Variants in PPP1R12B observed in about 807,000 individuals in gnomAD.
PPP1R12B encodes the protein protein phosphatase 1 regulatory subunit 12B.
In PPP1R12B, 76 loss-of-function variants were observed where a neutral mutation model predicts 126.1. The observed-to-expected ratio is 0.60, with a 90% CI of 0.50 to 0.73. The LOEUF is 0.73. Among genes scored for constraint, PPP1R12B ranks in the 30% least tolerant of loss-of-function variants. The pLI, the probability that PPP1R12B is intolerant of heterozygous loss-of-function variation, is 0.00. For missense variants in PPP1R12B, 1,052 were observed against 1,205.1 expected, an observed-to-expected ratio of 0.87 and a Z score of 1.88; for synonymous variants, 356 against 434.7, an observed-to-expected ratio of 0.82 and a Z score of 2.25.
intron 4 of PPP1R12B, among the ~76,000 whole-genome samples, chr1:202,426,641 G>C (rs1669549311): frequency 6.6e-6 from 1 of 152,142 alleles, no homozygotes; most frequent in Admixed American, 6.5e-5. Context: ...TAGAGAGAAT[G>C]ACCACAGCCT....
At chr1:202,382,035 A>G (rs1270525042) in intron 1 of PPP1R12B, among the ~76,000 whole-genome samples, 1 of 152,158 alleles carries the variant, frequency 6.6e-6, no homozygotes, top group Non-Finnish European at 1.5e-5. Flanking sequence ...AATGTCCAAC[A>G]ATGATAGACT....
At position 202,508,475 on chromosome 1, in the gene PPP1R12B, C is replaced by T. The variant is rs1406673589; in HGVS notation, c.2490+11653C>T. Among the ~76,000 whole-genome samples, 3 of 152,142 alleles carry T rather than the reference C, an allele frequency of 2.0e-5. No homozygotes were observed. Among genetic ancestry groups the T allele is most frequent in the Admixed American group, 1.3e-4 (2 of 15,280 alleles). ...TTAATACCTAGCATAATACATAATA[C>T]AAGTACTTATTATGGTCTTGGAGCT... On this transcript the variant is annotated intron_variant, in intron 18 of 23. Transcript: ENST00000608999. This position sits in a 1 kb window ranked among gnomAD's most constrained non-coding sequence, Gnocchi z 4.5.
intron 18 of PPP1R12B, among the ~76,000 whole-genome samples, chr1:202,552,106 T>C (rs1234060626): frequency 8.5e-5 from 13 of 152,222 alleles, no homozygotes; most frequent in African/African-American, 2.4e-5. Context: ...TTGGCAGCAA[T>C]AGAAAACTAA....
At chr1:202,563,893 C>A (rs529777388) in intron 20 of PPP1R12B, among the ~76,000 whole-genome samples, 2 of 152,116 alleles carry the variant, frequency 1.3e-5, no homozygotes, top group African/African-American at 2.4e-5. Context: ...TATAGTGAGA[C>A]CCCCATCTCC....
At chr1:202,505,321 C>T (rs1680688465) in intron 18 of PPP1R12B, among the ~76,000 whole-genome samples, 1 of 152,198 alleles carries the variant, frequency 6.6e-6, no homozygotes, top group Admixed American at 6.5e-5. Flanking sequence ...GCTTCTTTGC[C>T]AGTGCTTCCA....
At chr1:202,358,650 C>G (rs1657567771) in intron 1 of PPP1R12B, among the ~76,000 whole-genome samples, 1 of 150,594 alleles carries the variant, frequency 6.6e-6, no homozygotes, top group African/African-American at 2.4e-5. Flanking sequence ...CCACTGCACT[C>G]CAGCCTGGGT....
At chr1:202,496,416 T>G (rs1201548563) in intron 17 of PPP1R12B, among the ~76,000 whole-genome samples, 1 of 152,200 alleles carries the variant, frequency 6.6e-6, no homozygotes, top group Non-Finnish European at 1.5e-5. Flanking sequence ...AGACAAGAAA[T>G]GAGACAGTAG....
intron 13 of PPP1R12B, among the ~76,000 whole-genome samples, chr1:202,453,856 C>G (rs183174014): frequency 2.0e-5 from 3 of 151,818 alleles, no homozygotes; most frequent in Admixed American, 6.6e-5. Flanking sequence ...AATTTCTGGG[C>G]TAACAGGTTT....
chr1:202,427,033 T>G lies in PPP1R12B; in HGVS notation c.702-7T>G. The G allele has an allele frequency of 6.2e-7, 1 of 1,607,558 alleles. No individual in the cohort carries two copies. Among genetic ancestry groups the G allele is most frequent in the Non-Finnish European group, 8.5e-7 (1 of 1,178,290 alleles). On this transcript the variant is annotated splice_polypyrimidine_tract_variant and splice_region_variant and intron_variant, in intron 4 of 23. Coordinates refer to ENST00000608999, the MANE Select transcript of PPP1R12B (RefSeq NM_002481.4). ...GATATATGTCTTGTTTTGGGTTTTCTTTTTAGACTTTTAATTCAGGCTGGC... is the reference window on the plus strand; with the variant it reads ...GATATATGTCTTGTTTTGGGTTTTCGTTTTAGACTTTTAATTCAGGCTGGC...
At chr1:202,576,932 AC>A (rs1198337595) in intron 23 of PPP1R12B, 3 of 152,160 alleles carry the variant, frequency 2.0e-5, no homozygotes, top group African/African-American at 7.2e-5. Flanking sequence ...CAGAGTGCAA[AC>A]TTTTCACCAC....
intron 23 of PPP1R12B, among the ~76,000 whole-genome samples, chr1:202,577,736 G>GC (rs1206288913): frequency 6.6e-6 from 1 of 152,122 alleles, no homozygotes. Context: ...CCTACAGCTA[G>GC]CCTTGCTCTA....
chr1:202,536,077 A>G lies in PPP1R12B; in HGVS notation c.2491-22800A>G, dbSNP rs565247719. Among the ~76,000 whole-genome samples the G allele has an allele frequency of 8.9e-4, 136 of 152,316 alleles. 2 individuals are homozygous for G. The highest frequency in any genetic ancestry group is 3.1e-3 in the African/African-American group (130 of 41,560). ...CTTCAGGCAGTTGTGTTTTGCTCCC[A>G]TTTTACTGGCTGTGTGTCTTTGGCC... On this transcript the variant is annotated intron_variant, in intron 18 of 23. Coordinates refer to ENST00000608999, the MANE Select transcript of PPP1R12B (RefSeq NM_002481.4).
chr1:202,394,802 G>A (rs1028314703), intron 1 of PPP1R12B, among the ~76,000 whole-genome samples: 3 of 151,830 alleles, frequency 2.0e-5, no homozygotes, highest in African/African-American at 7.2e-5. Context: ...GGAGAAAAAA[G>A]AAATAAAAGA....
chr1:202,390,562 G>A (rs528940825), intron 1 of PPP1R12B, among the ~76,000 whole-genome samples: 7 of 152,184 alleles, frequency 4.6e-5, no homozygotes, highest in South Asian at 2.1e-4. Flanking sequence ...GCAGTGGTGC[G>A]ATCATGGCCC....
chr1:202,551,848 T>C (rs529581382), intron 18 of PPP1R12B, among the ~76,000 whole-genome samples: 2 of 152,322 alleles, frequency 1.3e-5, no homozygotes, highest in South Asian at 2.1e-4. Context: ...TAGGAGCTTC[T>C]GCAAGCAGTA....
chr1:202,421,005 C>G (rs1002159643), intron 2 of PPP1R12B, among the ~76,000 whole-genome samples: 1 of 131,138 alleles, frequency 7.6e-6, no homozygotes, highest in Non-Finnish European at 1.5e-5. Flanking sequence ...GAGTCTTGCT[C>G]TGTCACCCAG....
At chr1:202,540,005 C>T in intron 18 of PPP1R12B, 10 of 1,313,704 alleles carry the variant, frequency 7.6e-6, no homozygotes, top group Non-Finnish European at 9.9e-6. Flanking sequence ...TGCTTTTATC[C>T]TTTATTTAGT....
At chr1:202,388,349 GTATTT>G (rs576664448) in intron 1 of PPP1R12B, among the ~76,000 whole-genome samples, 87 of 152,120 alleles carry the variant, frequency 5.7e-4, no homozygotes, top group African/African-American at 2.0e-3. Context: ...ACTAATTTTT[GTATTT>G]TAGTAGAGAC....
intron 21 of PPP1R12B, among the ~76,000 whole-genome samples, chr1:202,564,952 A>G (rs1273811930): frequency 1.3e-5 from 2 of 152,200 alleles, no homozygotes; most frequent in Non-Finnish European, 2.9e-5. Flanking sequence ...TAGGGCAGAG[A>G]GATAACAAAT....
Sources: allele counts gnomAD v4.1 joint callset (sites outside exome capture counted in the v4.1 genomes callset), GRCh38; gene constraint gnomAD v4.1.1; non-coding constraint Gnocchi (gnomAD v3.1); transcripts MANE v1.5; gene names NCBI Gene and HGNC (gene_info 2026-07-23, HGNC 2026-07-21).